Variants in FHAD1 observed in about 807,000 individuals in gnomAD.
FHAD1 encodes the protein forkhead-associated domain-containing protein 1.
FHAD1 carries 146 observed loss-of-function variants against 191.3 expected under a neutral mutation model. The observed-to-expected ratio is 0.76, with a 90% CI of 0.67 to 0.88. The LOEUF (loss-of-function observed/expected upper bound fraction) is 0.88. FHAD1 is among the 40% of genes least tolerant of loss of function. FHAD1 has a pLI of 0.00. For synonymous variants in FHAD1, 616 were observed against 672.3 expected (o/e 0.92, Z 1.29); for missense variants, 1,635 against 1,785.8 (o/e 0.92, Z 1.52).
intron 9 of FHAD1, among the ~76,000 whole-genome samples, chr1:15,317,434 C>T (rs562265510): frequency 6.6e-6 from 1 of 152,292 alleles, no homozygotes; most frequent in East Asian, 1.9e-4. Context: ...AAAGAAAAAA[C>T]ATTTCATTGT....
Position 15,349,023 on chromosome 1 carries a change from A to G in FHAD1, c.2347-19A>G. 1 of 1,513,646 alleles carries G rather than the reference A, an allele frequency of 6.6e-7. No homozygotes were observed. The highest frequency in any genetic ancestry group is 9.0e-7 in the Non-Finnish European group (1 of 1,112,858). The allele number at this position is 1,513,646 out of a possible 1,614,324, so 93.8% of individuals were successfully genotyped here. A position where few individuals can be genotyped will look rare whatever the true frequency, so the allele number is the denominator to read the frequency against. ...CCTAAATGTGCAGGCCACCAAGAGC[A>G]CTGGTCGTTGATTTTCAGGTTTTGG... On this transcript the variant is annotated intron_variant, in intron 18 of 33. Transcript: ENST00000688493.
upstream of FHAD1, among the ~76,000 whole-genome samples, chr1:15,245,522 C>G (rs949668871): frequency 6.6e-6 from 1 of 152,124 alleles, no homozygotes; most frequent in Non-Finnish European, 1.5e-5. Flanking sequence ...GCATTCCAGG[C>G]AGAGGAATGG....
At chr1:15,283,748 G>C (rs1216892760) in intron 3 of FHAD1, among the ~76,000 whole-genome samples, 1 of 152,160 alleles carries the variant, frequency 6.6e-6, no homozygotes, top group African/African-American at 2.4e-5. Flanking sequence ...CTGTGACTCA[G>C]ACTTGCAGGA....
intron 15 of FHAD1, among the ~76,000 whole-genome samples, chr1:15,340,668 T>C (rs745639022): frequency 6.6e-6 from 1 of 152,056 alleles, no homozygotes; most frequent in Non-Finnish European, 1.5e-5. Flanking sequence ...TACATAGCCC[T>C]AGACATGGAT....
intron 14 of FHAD1, chr1:15,335,308 G>C (rs564838705): frequency 6.6e-6 from 1 of 152,280 alleles, no homozygotes; most frequent in East Asian, 1.9e-4. Context: ...GGGAAGGAAA[G>C]GATTTTTTAC....
Position 15,331,236 on chromosome 1 carries a change from C to G in FHAD1, c.1906+1695C>G, listed in dbSNP as rs572697995. Among the ~76,000 whole-genome samples, 13 of 152,074 alleles carry G rather than the reference C, an allele frequency of 8.5e-5. No homozygotes were observed. In the South Asian group the frequency reaches 1.7e-3, roughly 19 times the overall value. ...TGAGATGCCCAAGAGACAGCTGTTT[C>G]CCCAGGTGTCTTGTCTGGGGATAGG... On this transcript the variant is annotated intron_variant, in intron 14 of 33. Coordinates refer to ENST00000688493, the MANE Select transcript of FHAD1 (RefSeq NM_001391957.1).
rs776571992 is a variant in FHAD1 at position 15,397,652 on chromosome 1, G to A, written c.*239G>A. On this transcript the variant is annotated 3_prime_UTR_variant, in exon 34 of 34. Transcript: ENST00000688493. ...ACTCAGGTATATGAAGAATAGAAGT[G>A]TGTAACCCAGATGTCCAGGCCTGGT... 6.7e-6 allele frequency: 2 copies of A among 298,138 alleles called. No homozygotes were observed. Among genetic ancestry groups the A allele is most frequent in the Non-Finnish European group, 1.2e-5 (2 of 163,066 alleles). The allele number at this position is 298,138 out of a possible 1,614,324, so 18.5% of individuals were successfully genotyped here.
At chr1:15,313,986 G>A (rs146016302) in intron 8 of FHAD1, among the ~76,000 whole-genome samples, 3,887 of 151,890 alleles carry the variant, frequency 0.026, 168 homozygotes, top group African/African-American at 0.088. Flanking sequence ...CTTGAACCTG[G>A]GAGGCAGAAA....
In FHAD1 at chr1:15,388,151, G is replaced by A; in HGVS notation, c.4269+20G>A. The stretch of plus-strand genomic sequence containing the variant: ...AGGCAGGTATGGGAGGTGTTCTGAT[G>A]TTGCAGACACAGAGTAGAGACAGTC... On this transcript the variant is annotated intron_variant, in intron 32 of 33. Coordinates refer to ENST00000688493, the MANE Select transcript of FHAD1 (RefSeq NM_001391957.1). 1 of 1,273,022 alleles carries A rather than the reference G, an allele frequency of 7.9e-7. No individual in the cohort carries two copies. Among genetic ancestry groups the A allele is most frequent in the South Asian group, 1.2e-5 (1 of 80,658 alleles). 78.9% of individuals were successfully genotyped at this position (1,273,022 alleles called of 1,614,324 possible). A position where few individuals can be genotyped will look rare whatever the true frequency, so the allele number is the denominator to read the frequency against.
chr1:15,354,676 GAA>G (rs34552889), intron 20 of FHAD1, among the ~76,000 whole-genome samples: 1 of 148,620 alleles, frequency 6.7e-6, no homozygotes, highest in African/African-American at 2.5e-5. Flanking sequence ...TGAGACTAAT[GAA>G]AAAAAAAAGT....
chr1:15,317,788 C>T, intron 9 of FHAD1, 36 bp from the exon 10 acceptor site: 1 of 1,456,392 alleles, frequency 6.9e-7, no homozygotes, highest in Non-Finnish European at 9.4e-7. Context: ...CTCCTGCCCC[C>T]ATCAGGGAGG....
At chr1:15,401,450 C>T (rs1245238662), downstream of FHAD1, among the ~76,000 whole-genome samples, 1 of 152,212 alleles carries the variant, frequency 6.6e-6, no homozygotes, top group Non-Finnish European at 1.5e-5. Context: ...TCCCAATCTT[C>T]TTCTGATCTT....
chr1:15,281,620 G>A (rs1385240974), intron 3 of FHAD1, among the ~76,000 whole-genome samples: 5 of 151,950 alleles, frequency 3.3e-5, no homozygotes, highest in African/African-American at 1.2e-4. Context: ...AATTAGCCAG[G>A]TGTGGTGGTG....
upstream of FHAD1, among the ~76,000 whole-genome samples, chr1:15,243,704 G>C (rs746827503): frequency 1.3e-5 from 2 of 152,240 alleles, no homozygotes; most frequent in Non-Finnish European, 2.9e-5. Flanking sequence ...GCAGGCCTAA[G>C]CTGCCTCCTC....
chr1:15,237,035 A>T (rs183859239), intron 1 of FHAD1, among the ~76,000 whole-genome samples: 5 of 152,136 alleles, frequency 3.3e-5, no homozygotes, highest in Non-Finnish European at 7.4e-5. Context: ...GTTAAGAGGG[A>T]CGCGTTTGCT....
chr1:15,257,408 G>A (rs887121018), intron 2 of FHAD1, among the ~76,000 whole-genome samples: 1 of 152,238 alleles, frequency 6.6e-6, no homozygotes, highest in Non-Finnish European at 1.5e-5. Context: ...GGTGACAGGT[G>A]GACATGAACC....
rs34346421 is a variant in FHAD1, at chr1:15,311,067, GAAAC to G, written c.1040-1983_1040-1980del. Reference sequence around the variant, plus strand: ...TGTGACGATGATCTGGGAGGGAGTGGAAACAAACAAGATGAAATCTACGATTGCC... The same window carrying G: ...TGTGACGATGATCTGGGAGGGAGTGGAAACAAGATGAAATCTACGATTGCC... On this transcript the variant is annotated intron_variant, in intron 7 of 33. Coordinates refer to ENST00000688493, the MANE Select transcript of FHAD1 (RefSeq NM_001391957.1). The surrounding 1 kb of genome is among the most constrained non-coding windows in gnomAD (Gnocchi z 4.1). Among the ~76,000 whole-genome samples, 1,438 of 152,322 alleles carry G rather than the reference GAAAC, an allele frequency of 9.4e-3. 9 individuals are homozygous for G. The highest frequency in any genetic ancestry group is 0.015 in the African/African-American group (610 of 41,568).
At chr1:15,284,458 G>GA (rs201085974) in intron 3 of FHAD1, among the ~76,000 whole-genome samples, 1,346 of 133,730 alleles carry the variant, frequency 0.01, 14 homozygotes, top group African/African-American at 0.036. Context: ...CAGCCTGGGC[G>GA]ACAGAGCGAG....
intron 18 of FHAD1, among the ~76,000 whole-genome samples, chr1:15,346,255 G>C (rs932464564): frequency 6.6e-6 from 1 of 152,172 alleles, no homozygotes; most frequent in Non-Finnish European, 1.5e-5. Flanking sequence ...CGACTAAAAA[G>C]GGCCTGTGGA....
Sources: allele counts gnomAD v4.1 joint callset (sites outside exome capture counted in the v4.1 genomes callset), GRCh38; gene constraint gnomAD v4.1.1; non-coding constraint Gnocchi (gnomAD v3.1); transcripts MANE v1.5; gene names NCBI Gene and HGNC (gene_info 2026-07-23, HGNC 2026-07-21).